KCNB2: variants seen among roughly 807,000 people sequenced by gnomAD.
KCNB2 encodes delayed rectifier potassium channel protein.
A neutral mutation model predicts 61.5 loss-of-function variants in KCNB2; 15 were observed. That is an observed-to-expected ratio of 0.24 (90% confidence interval 0.16 to 0.38). The LOEUF is 0.38. Ranked by LOEUF, KCNB2 falls within the 10% of genes least tolerant of loss-of-function variation. The pLI is 1.00. For synonymous variants in KCNB2, 457 were observed against 446.0 expected, an observed-to-expected ratio of 1.02 and a Z score of -0.31; for missense variants, 828 against 1,125.2, an observed-to-expected ratio of 0.74 and a Z score of 3.78.
chr8:72,625,070 C>T (rs894047973), intron 2 of KCNB2, among the ~76,000 whole-genome samples: 4 of 152,200 alleles, frequency 2.6e-5, no homozygotes, highest in African/African-American at 9.6e-5. Flanking sequence ...CCAACAGACA[C>T]CTTTATAGCA....
intron 2 of KCNB2, among the ~76,000 whole-genome samples, chr8:72,802,818 G>A (rs1809153690): frequency 6.6e-6 from 1 of 152,102 alleles, no homozygotes; most frequent in South Asian, 2.1e-4. Context: ...TTCAGGCCCA[G>A]GATAAGCAAT....
intron 2 of KCNB2, among the ~76,000 whole-genome samples, chr8:72,658,901 C>T (rs1806335718): frequency 6.6e-6 from 1 of 152,132 alleles, no homozygotes; most frequent in Admixed American, 6.6e-5. Context: ...AAAAAGATTC[C>T]TTTCAAAATA....
chr8:72,794,349 G>A (rs1041078118), intron 2 of KCNB2, among the ~76,000 whole-genome samples: 1 of 151,962 alleles, frequency 6.6e-6, no homozygotes, highest in East Asian at 1.9e-4. Context: ...GGTGGATCAC[G>A]AGGTCAGGAG....
intron 2 of KCNB2, among the ~76,000 whole-genome samples, chr8:72,775,108 C>G (rs958836936): frequency 2.0e-5 from 3 of 152,162 alleles, no homozygotes; most frequent in African/African-American, 7.2e-5. Flanking sequence ...TCCTCACCTT[C>G]CCCCTCCCAT....
At chr8:72,691,648 G>A (rs1806941972) in intron 2 of KCNB2, among the ~76,000 whole-genome samples, 1 of 152,176 alleles carries the variant, frequency 6.6e-6, no homozygotes, top group Admixed American at 6.5e-5. Context: ...TGGAGAACCT[G>A]GCAGTTTCTT....
At chr8:72,622,557 G>T (rs1438927296) in intron 2 of KCNB2, among the ~76,000 whole-genome samples, 1 of 152,088 alleles carries the variant, frequency 6.6e-6, no homozygotes, top group Non-Finnish European at 1.5e-5. Flanking sequence ...TCCAAAAATG[G>T]TTAATTAATC....
At chr8:72,543,945 G>A (rs1279228364) in intron 1 of KCNB2, among the ~76,000 whole-genome samples, 1 of 152,148 alleles carries the variant, frequency 6.6e-6, no homozygotes. Flanking sequence ...GGTAAGTTTA[G>A]CGGCTGACTA....
At chr8:72,689,950 T>C (rs1312672320) in intron 2 of KCNB2, among the ~76,000 whole-genome samples, 1 of 152,102 alleles carries the variant, frequency 6.6e-6, no homozygotes. Context: ...CCTAATTTCT[T>C]TTATTTGTGA....
intron 2 of KCNB2, among the ~76,000 whole-genome samples, chr8:72,686,482 G>A (rs1806855824): frequency 6.6e-6 from 1 of 151,976 alleles, no homozygotes; most frequent in Non-Finnish European, 1.5e-5. Context: ...CAAAGTACTG[G>A]GATTACAGGC....
intron 2 of KCNB2, among the ~76,000 whole-genome samples, chr8:72,833,174 T>C (rs1809726687): frequency 6.6e-6 from 1 of 152,162 alleles, no homozygotes; most frequent in Non-Finnish European, 1.5e-5. Flanking sequence ...ACTGTTTCTA[T>C]CTAGAAAAGG....
chr8:72,725,539 A>ATATG (rs1554587031), intron 2 of KCNB2, among the ~76,000 whole-genome samples: 6 of 38,450 alleles, frequency 1.6e-4, no homozygotes, highest in South Asian at 9.0e-4. Context: ...ATATATATAT[A>ATATG]TGTGTGTATA....
chr8:72,933,896 C>G (rs1453148116), intron 2 of KCNB2, among the ~76,000 whole-genome samples: 4 of 152,054 alleles, frequency 2.6e-5, no homozygotes, highest in African/African-American at 9.7e-5. Context: ...CTGAAGTACT[C>G]TCAAAAAGAT....
rs140188191 is a variant in KCNB2, at chr8:72,863,484, G to T, written c.580-72451G>T. Among the ~76,000 whole-genome samples, 114 of 152,084 alleles carry T rather than the reference G, an allele frequency of 7.5e-4. 2 individuals carry two copies. In the East Asian group the frequency reaches 0.019, roughly 25 times the overall value. On this transcript the variant is annotated intron_variant, in intron 2 of 2. Transcript: ENST00000523207. ...AGGTCAACTAAAAAATCCTTTAAAG[G>T]AAAAGAAAAAAACAGGTATATATTT...
chr8:72,619,250 T>C (rs1291144119), intron 2 of KCNB2: 22 of 612,868 alleles, frequency 3.6e-5, no homozygotes, highest in Non-Finnish European at 2.6e-5. Flanking sequence ...TCAAGGGCGA[T>C]GTGCTGTCAA....
chr8:72,714,386 A>G (rs1296522211), intron 2 of KCNB2, among the ~76,000 whole-genome samples: 1 of 152,216 alleles, frequency 6.6e-6, no homozygotes, highest in East Asian at 1.9e-4. Flanking sequence ...AAATGAAGGA[A>G]AAAATATTAA....
chr8:72,551,464 G>A (rs1219277026), intron 1 of KCNB2, among the ~76,000 whole-genome samples: 2 of 152,042 alleles, frequency 1.3e-5, no homozygotes, highest in African/African-American at 4.8e-5. Flanking sequence ...TTTGTTTTCT[G>A]TTACAATTTC....
intron 2 of KCNB2, among the ~76,000 whole-genome samples, chr8:72,932,635 C>T (rs1806810558): frequency 6.6e-6 from 1 of 152,126 alleles, no homozygotes; most frequent in Admixed American, 6.6e-5. Context: ...TGCAGTCCAA[C>T]CTTTATATAA....
chr8:72,782,690 G>A (rs1472227608), intron 2 of KCNB2, among the ~76,000 whole-genome samples: 1 of 152,000 alleles, frequency 6.6e-6, no homozygotes, highest in Non-Finnish European at 1.5e-5. Flanking sequence ...AATAACTCCT[G>A]TGTAAGACCC....
chr8:72,676,906 T>C (rs867354271), intron 2 of KCNB2, among the ~76,000 whole-genome samples: 39 of 152,286 alleles, frequency 2.6e-4, no homozygotes, highest in African/African-American at 9.1e-4. Context: ...TATTAAGGGC[T>C]GAATTTTGTC....
Sources: gnomAD v4.1 joint callset for allele counts (sites outside exome capture counted in the v4.1 genomes callset) on GRCh38, gnomAD v4.1.1 for gene constraint, MANE v1.5 for transcripts, NCBI Gene and HGNC (gene_info 2026-07-23, HGNC 2026-07-21) for gene names.